CCDC12: variants seen among roughly 807,000 people sequenced by gnomAD.
CCDC12 encodes coiled-coil domain containing 12, also known as coiled-coil domain-containing protein 12.
CCDC12 carries 28 observed loss-of-function variants against 25.7 expected under a neutral mutation model. The ratio of observed to expected loss-of-function variants is 1.09; its 90% CI spans 0.81 to 1.50. The LOEUF (loss-of-function observed/expected upper bound fraction) is 1.50, where lower values mean the gene tolerates loss of function less well. CCDC12 is among the 40% of genes most tolerant of loss of function. The pLI is 0.00. For synonymous variants in CCDC12, 75 were observed against 87.7 expected, an observed-to-expected ratio of 0.86 and a Z score of 0.81; for missense variants, 198 against 210.0, an observed-to-expected ratio of 0.94 and a Z score of 0.35.
Position 46,921,817 on chromosome 3 carries a change from T to G in CCDC12, c.*240A>C. On this transcript the variant is annotated 3_prime_UTR_variant, in exon 7 of 7. Transcript: ENST00000683445. The stretch of plus-strand genomic sequence containing the variant: ...ATACATATATACAGACATATGTACA[T>G]CCACATGTGCAGACACAGGCACGCC... 1.7e-6 allele frequency: 1 copy of G among 584,062 alleles called. No homozygotes were observed. The highest frequency in any genetic ancestry group is 2.0e-5 in the South Asian group (1 of 49,100). 36.2% of individuals were successfully genotyped at this position (584,062 alleles called of 1,614,324 possible).
At chr3:46,938,863 A>T (rs2033574787) in intron 2 of CCDC12, among the ~76,000 whole-genome samples, 1 of 152,002 alleles carries the variant, frequency 6.6e-6, no homozygotes, top group Non-Finnish European at 1.5e-5. Flanking sequence ...AAAAAAAGAA[A>T]AAAAAAATCA....
At chr3:46,934,802 A>G (rs2033378437) in intron 2 of CCDC12, among the ~76,000 whole-genome samples, 1 of 152,256 alleles carries the variant, frequency 6.6e-6, no homozygotes, top group African/African-American at 2.4e-5. Context: ...TCCACTGCCC[A>G]TGACTGGGAC....
At chr3:46,923,245 G>A (rs35512962) in intron 5 of CCDC12, 84 bp downstream of exon 5, 29,174 of 1,333,806 alleles carry the variant, frequency 0.022, 367 homozygotes, top group African/African-American at 0.045. Context: ...CACTGTGACG[G>A]CAGGAAGGGC....
In CCDC12 at chr3:46,958,565, C is replaced by T. The variant is rs2034369901; in HGVS notation, c.97-17500G>A. Among the ~76,000 whole-genome samples the T allele has an allele frequency of 2.6e-5, 4 of 152,116 alleles. No homozygotes were observed. The South Asian group carries it at 6.2e-4, about 24-fold the overall frequency. On this transcript the variant is annotated intron_variant, in intron 1 of 6. Transcript: ENST00000683445. ...TATTGGGCCAAGGGAATAAGCAGCC[C>T]GACCCTCGGTTTGGTTCTGGAACAA... is the stretch of plus-strand genomic sequence containing the variant.
chr3:46,976,238 T>C, intron 1 of CCDC12: 2 of 897,894 alleles, frequency 2.2e-6, no homozygotes, highest in Non-Finnish European at 1.4e-6. Flanking sequence ...CTGGGGAGTC[T>C]GTCTGACTCA....
intron 1 of CCDC12, 77 bp downstream of exon 1, chr3:46,976,560 C>T: frequency 1.9e-6 from 3 of 1,540,888 alleles, no homozygotes; most frequent in South Asian, 1.2e-5. Context: ...CCTTATTAGC[C>T]CTTTGCTCTC....
At chr3:46,932,467 T>A (rs1315297049) in intron 2 of CCDC12, among the ~76,000 whole-genome samples, 2 of 152,368 alleles carry the variant, frequency 1.3e-5, no homozygotes, top group African/African-American at 4.8e-5. Flanking sequence ...CAGAGGAGAC[T>A]GTCCTCCAGC....
At chr3:46,947,566 G>T (rs2033955877) in intron 1 of CCDC12, among the ~76,000 whole-genome samples, 1 of 152,220 alleles carries the variant, frequency 6.6e-6, no homozygotes, top group East Asian at 1.9e-4. Context: ...GGGGAAAGGG[G>T]GAGAGACTCT....
At chr3:46,967,423 T>C (rs1395344048) in intron 1 of CCDC12, among the ~76,000 whole-genome samples, 1 of 152,058 alleles carries the variant, frequency 6.6e-6, no homozygotes, top group Non-Finnish European at 1.5e-5. Flanking sequence ...CCCCCTTCCA[T>C]ACCTCCCACT....
rs1038009217 is a variant in CCDC12, at chr3:46,921,839, C to T, written c.*218G>A. ...ACATCCACATGTGCAGACACAGGCACGCCCAGAGTTGTTGCTGGTTCTGCC... is the reference window on the plus strand; with the variant it reads ...ACATCCACATGTGCAGACACAGGCATGCCCAGAGTTGTTGCTGGTTCTGCC... On this transcript the variant is annotated 3_prime_UTR_variant, in exon 7 of 7. Transcript: ENST00000683445. 8.5e-5 allele frequency: 51 copies of T among 596,970 alleles called. No individual in the cohort carries two copies. Among genetic ancestry groups the T allele is most frequent in the Non-Finnish European group, 1.3e-4 (43 of 334,662 alleles). 37.0% of individuals were successfully genotyped at this position (596,970 alleles called of 1,614,324 possible).
intron 1 of CCDC12, among the ~76,000 whole-genome samples, chr3:46,947,648 G>A (rs1426180120): frequency 6.6e-6 from 1 of 152,118 alleles, no homozygotes; most frequent in Non-Finnish European, 1.5e-5. Context: ...CACTCAATGT[G>A]CTGCTAGGAT....
At position 46,921,932 on chromosome 3, in the gene CCDC12, T is replaced by C. The variant is rs2032694506; in HGVS notation, c.*125A>G. ...ACCTCATCCATGGGGGTTTCAGACT[T>C]GATGGGCAGGGAGTCTCTGCTCAGA... is the stretch of plus-strand genomic sequence containing the variant. On this transcript the variant is annotated 3_prime_UTR_variant, in exon 7 of 7. Coordinates refer to ENST00000683445, the MANE Select transcript of CCDC12 (RefSeq NM_001277074.2). The C allele has an allele frequency of 1.0e-6, 1 of 1,003,726 alleles. No individual in the cohort carries two copies. The highest frequency in any genetic ancestry group is 1.6e-5 in the African/African-American group (1 of 62,312). The allele number at this position is 1,003,726 out of a possible 1,614,324, so 62.2% of individuals were successfully genotyped here.
intron 1 of CCDC12, among the ~76,000 whole-genome samples, chr3:46,974,455 C>T (rs80257961): frequency 0.017 from 2,534 of 152,236 alleles, 67 homozygotes; most frequent in Admixed American, 0.043. Context: ...CGTTGCATTC[C>T]GACCTCAAAC....
Position 46,922,127 on chromosome 3 carries a change from T to C in CCDC12, c.431A>G (p.Lys144Arg). ...AGAGGCTAGGCTGTCTTCCTGGCCT[T>C]TCAGCCTTTCACCTGGGATGGATGG... ...AIAELIRERL[K>R]GQEDSLASAV... Residue 144 changes from lysine (K) to arginine (R), a missense_variant, in exon 7 of 7, where the codon AAA (lysine) becomes AGA (arginine). By Grantham distance (26) the Lys-to-Arg change is conservative. Transcript: ENST00000683445. The C allele has an allele frequency of 6.2e-7, 1 of 1,614,264 alleles. No homozygotes were observed. Among genetic ancestry groups the C allele is most frequent in the East Asian group, 2.2e-5 (1 of 44,892 alleles).
intron 1 of CCDC12, among the ~76,000 whole-genome samples, chr3:46,965,441 G>A (rs1256373808): frequency 2.0e-5 from 3 of 152,198 alleles, no homozygotes; most frequent in African/African-American, 7.2e-5. Context: ...CCACAGGTGA[G>A]CTAAACCGTG....
chr3:46,955,093 C>G (rs1463262638), intron 1 of CCDC12, among the ~76,000 whole-genome samples: 1 of 152,214 alleles, frequency 6.6e-6, no homozygotes, highest in African/African-American at 2.4e-5. Context: ...CATGCCTAAA[C>G]TACAGATCGA....
chr3:46,960,309 T>TCACTCTCACTTCCTA lies in CCDC12; in HGVS notation c.96+16313_96+16327dup, dbSNP rs1468727578. 1.2e-3 allele frequency among the ~76,000 whole-genome samples: 188 copies of TCACTCTCACTTCCTA among 152,278 alleles called. No homozygotes were observed. The Middle Eastern group carries it at 0.02, about 17-fold the overall frequency. On this transcript the variant is annotated intron_variant, in intron 1 of 6. Coordinates refer to ENST00000683445, the MANE Select transcript of CCDC12 (RefSeq NM_001277074.2). ...CCTCACCCCAGACACAGCCCAGCAT[T>TCACTCTCACTTCCTA]CACTCTCACTTCCTACATAGATGGA... is the stretch of plus-strand genomic sequence containing the variant.
At chr3:46,979,006 A>G (rs2035116792), upstream of CCDC12, among the ~76,000 whole-genome samples, 1 of 152,142 alleles carries the variant, frequency 6.6e-6, no homozygotes, top group African/African-American at 2.4e-5. Context: ...AAACAGAGCC[A>G]TGAGGCACCC....
chr3:46,949,713 C>T (rs1188892284), intron 1 of CCDC12, among the ~76,000 whole-genome samples: 4 of 152,164 alleles, frequency 2.6e-5, no homozygotes, highest in Non-Finnish European at 5.9e-5. Flanking sequence ...GTACAGGGTC[C>T]CGCATGACCC....
Sources: allele counts gnomAD v4.1 joint callset (sites outside exome capture counted in the v4.1 genomes callset), GRCh38; gene constraint gnomAD v4.1.1; transcripts MANE v1.5; gene names NCBI Gene and HGNC (gene_info 2026-07-23, HGNC 2026-07-21).